The following COL5A2 variants were observed in gnomAD, a reference collection of about 807,000 sequenced individuals.
COL5A2 encodes collagen type V alpha 2 chain.
A neutral mutation model predicts 208.2 loss-of-function variants in COL5A2; 23 were observed. That is an observed-to-expected ratio of 0.11 (90% CI 0.08 to 0.16). The LOEUF is 0.16. Ranked by LOEUF, COL5A2 falls within the 10% of genes least tolerant of loss-of-function variation. The probability of loss-of-function intolerance (pLI) is 1.00; values close to 1 mark genes in which losing one functional copy is unlikely to be tolerated. For synonymous variants in COL5A2, 625 were observed against 628.5 expected (o/e 0.99, Z 0.08); for missense variants, 1,590 against 1,956.4 (o/e 0.81, Z 3.53).
chr2:189,276,234 C>A, the COL5A2 span, among the ~76,000 whole-genome samples: 1 of 152,300 alleles, frequency 6.6e-6, no homozygotes, highest in African/African-American at 2.4e-5. Flanking sequence ...AAATTTTTAT[C>A]TCATCAACCA....
chr2:189,081,020 A>T lies in COL5A2; in HGVS notation c.876T>A (p.Ala292=), dbSNP rs1348180697. ...GSPGARGFPG[A]PGLPGLKGHR... ...GACCCTTCAGACCTGGAAGACCAGG[A>T]GCCCCAGGAAATCCACGAGCTCCCT... The change falls in exon 13 of 54, where the codon GCT becomes GCA. Residue 292 remains alanine, a synonymous_variant. Transcript: ENST00000374866. 1 of 1,613,620 alleles carries T rather than the reference A, an allele frequency of 6.2e-7. No homozygotes were observed. Among genetic ancestry groups the T allele is most frequent in the Non-Finnish European group, 8.5e-7 (1 of 1,179,612 alleles).
chr2:189,239,047 T>C, the COL5A2 span, among the ~76,000 whole-genome samples: 3 of 152,132 alleles, frequency 2.0e-5, no homozygotes, highest in Non-Finnish European at 2.9e-5. Flanking sequence ...GCAGGTAATA[T>C]GAGTTAGCAA....
chr2:189,075,257 A>G, intron 17 of COL5A2, 136 bp downstream of exon 17: 1 of 643,500 alleles, frequency 1.6e-6, no homozygotes, highest in South Asian at 1.8e-5. Flanking sequence ...ACAGTTTTGA[A>G]GAAGTACTAT....
At chr2:189,139,957 C>T (rs1235649184) in intron 1 of COL5A2, among the ~76,000 whole-genome samples, 1 of 151,942 alleles carries the variant, frequency 6.6e-6, no homozygotes. Context: ...CCTGTAGTCC[C>T]AGCTGCTCAG....
the COL5A2 span, among the ~76,000 whole-genome samples, chr2:189,409,541 T>C: frequency 6.6e-6 from 1 of 152,160 alleles, no homozygotes; most frequent in African/African-American, 2.4e-5. Context: ...GAAATGAGAT[T>C]TAGATTTTTA....
chr2:189,059,368 T>G (rs1198302235), intron 31 of COL5A2, among the ~76,000 whole-genome samples: 4 of 152,066 alleles, frequency 2.6e-5, no homozygotes, highest in Non-Finnish European at 5.9e-5. Flanking sequence ...CTAGGTATTG[T>G]GCATTCAAAC....
In COL5A2 at chr2:189,064,599, C is replaced by A. The variant is rs759956416; in HGVS notation, c.1674G>T (p.Gly558=). 2 of 1,613,968 alleles carry A rather than the reference C, an allele frequency of 1.2e-6. No individual in the cohort carries two copies. The highest frequency in any genetic ancestry group is 1.1e-5 in the South Asian group (1 of 91,082). Residue 558 remains glycine (G), a synonymous_variant, in exon 25 of 54, where the codon GGG becomes GGT. Coordinates refer to ENST00000374866, the MANE Select transcript of COL5A2 (RefSeq NM_000393.5). The part of the protein sequence containing the change: ...VGSSGPKGSQ[G]DPGRPGEPGL... The stretch of plus-strand genomic sequence containing the variant: ...CAGGTTCCCCTGGACGTCCTGGATC[C>A]CCCTGGCTTCCTTTGGGTCCTGAAG...
At chr2:189,055,076 C>G (rs945306339) in intron 35 of COL5A2, among the ~76,000 whole-genome samples, 5 of 151,952 alleles carry the variant, frequency 3.3e-5, no homozygotes, top group Non-Finnish European at 7.4e-5. Flanking sequence ...TTAGTAGAGA[C>G]GGGGTTTCAC....
At chr2:189,165,224 G>C (rs771813109) in intron 1 of COL5A2, among the ~76,000 whole-genome samples, 2 of 152,102 alleles carry the variant, frequency 1.3e-5, no homozygotes, top group Admixed American at 6.5e-5. Context: ...TGGGGGTTTT[G>C]CTGGTTTGCT....
chr2:189,274,742 A>G, the COL5A2 span, among the ~76,000 whole-genome samples: 1 of 152,180 alleles, frequency 6.6e-6, no homozygotes, highest in Admixed American at 6.5e-5. Flanking sequence ...TTTCATGCCA[A>G]AGACAAAAAA....
intron 21 of COL5A2, 90 bp downstream of exon 21, chr2:189,067,925 A>G (rs1007945923): frequency 9.3e-7 from 1 of 1,071,740 alleles, no homozygotes. Flanking sequence ...CACGTTATCT[A>G]TGTTTCATTG....
the COL5A2 span, among the ~76,000 whole-genome samples, chr2:189,270,106 C>G: frequency 3.3e-5 from 5 of 152,180 alleles, no homozygotes; most frequent in South Asian, 1.0e-3. Context: ...TTTATTGTGT[C>G]TTTTGATTCT....
the COL5A2 span, among the ~76,000 whole-genome samples, chr2:189,247,128 G>A: frequency 1.3e-5 from 2 of 152,084 alleles, no homozygotes; most frequent in Non-Finnish European, 2.9e-5. Context: ...TGGTGATGAG[G>A]TCCAAGCACA....
intron 14 of COL5A2, among the ~76,000 whole-genome samples, chr2:189,079,343 T>C (rs1483089551): frequency 1.3e-5 from 2 of 152,190 alleles, no homozygotes; most frequent in African/African-American, 2.4e-5. Context: ...GAAACTATCA[T>C]ACCTAGCCAC....
intron 34 of COL5A2, 37 bp from the exon 35 acceptor site, chr2:189,057,063 T>C: frequency 1.3e-6 from 2 of 1,599,032 alleles, no homozygotes; most frequent in Non-Finnish European, 1.7e-6. Flanking sequence ...ATTCATTTAA[T>C]TGTCTCTTTC....
the COL5A2 span, among the ~76,000 whole-genome samples, chr2:189,412,890 G>GT: frequency 2.1e-4 from 32 of 152,310 alleles, no homozygotes; most frequent in Non-Finnish European, 3.7e-4. Flanking sequence ...ATGGCAGTGA[G>GT]TCGTAAAGAA....
chr2:189,391,377 G>T, the COL5A2 span, among the ~76,000 whole-genome samples: 1 of 152,108 alleles, frequency 6.6e-6, no homozygotes, highest in South Asian at 2.1e-4. Flanking sequence ...CTGACTCGTG[G>T]CTAAGTCTCC....
the COL5A2 span, among the ~76,000 whole-genome samples, chr2:189,261,900 T>C: frequency 1.3e-5 from 2 of 152,152 alleles, no homozygotes; most frequent in Non-Finnish European, 2.9e-5. Context: ...CTATTTCAAA[T>C]ACAGAGAGGT....
At chr2:189,350,509 A>T in the COL5A2 span, among the ~76,000 whole-genome samples, 1 of 152,136 alleles carries the variant, frequency 6.6e-6, no homozygotes, top group Non-Finnish European at 1.5e-5. Flanking sequence ...TTTCATCCCT[A>T]CTATTCCAAG....
Sources: gnomAD v4.1 joint callset for allele counts (sites outside exome capture counted in the v4.1 genomes callset) on GRCh38, gnomAD v4.1.1 for gene constraint, MANE v1.5 for transcripts, NCBI Gene and HGNC (gene_info 2026-07-23, HGNC 2026-07-21) for gene names.